TMCO5A: variants seen among roughly 807,000 people sequenced by gnomAD.
TMCO5A encodes transmembrane and coiled-coil domain-containing protein 5A.
In TMCO5A, 34 loss-of-function variants were observed where a neutral mutation model predicts 42.3. The ratio of observed to expected loss-of-function variants is 0.80; its 90% CI spans 0.61 to 1.07. TMCO5A has a LOEUF of 1.07. TMCO5A is among the 50% of genes least tolerant of loss of function. The pLI, the probability that TMCO5A is intolerant of heterozygous loss-of-function variation, is 0.00. For missense variants in TMCO5A, 357 were observed against 327.9 expected (o/e 1.09, Z -0.69); for synonymous variants, 131 against 115.6 (o/e 1.13, Z -0.86).
chr15:37,938,419 T>C (rs967735289), intron 6 of TMCO5A, among the ~76,000 whole-genome samples, 190 bp downstream of exon 6: 3 of 152,078 alleles, frequency 2.0e-5, no homozygotes, highest in African/African-American at 7.2e-5. Context: ...TTTAGTCTTA[T>C]TTATTGTTCT....
At chr15:38,034,528 T>G in the TMCO5A span, among the ~76,000 whole-genome samples, 1 of 152,128 alleles carries the variant, frequency 6.6e-6, no homozygotes, top group Admixed American at 6.5e-5. Context: ...GAATTTTAAC[T>G]TACTCCCAGA....
At chr15:38,001,646 C>T in the TMCO5A span, among the ~76,000 whole-genome samples, 1 of 151,620 alleles carries the variant, frequency 6.6e-6, no homozygotes, top group Non-Finnish European at 1.5e-5. Context: ...CAATTTCTTG[C>T]TTTTTGTTTT....
At chr15:37,982,480 G>GTATTATATATTATCTATTATATAATAGA in the TMCO5A span, among the ~76,000 whole-genome samples, 1 of 79,642 alleles carries the variant, frequency 1.3e-5, no homozygotes, top group Admixed American at 1.3e-4. Context: ...GATATTTTAT[G>GTATTATATATTATCTATTATATAATAGA]TATTATATAT....
the TMCO5A span, among the ~76,000 whole-genome samples, chr15:38,017,752 C>G: frequency 1.3e-5 from 2 of 152,048 alleles, no homozygotes; most frequent in African/African-American, 4.8e-5. Flanking sequence ...AGCAAGGAGG[C>G]CTGCAGATAT....
At chr15:37,949,146 GA>G (rs985014986) in intron 11 of TMCO5A, among the ~76,000 whole-genome samples, 45 of 148,944 alleles carry the variant, frequency 3.0e-4, no homozygotes, top group African/African-American at 8.8e-4. Flanking sequence ...TCAGTTGAAA[GA>G]AAAAAAAATC....
intron 2 of TMCO5A, 27 bp from the exon 3 acceptor site, chr15:37,936,287 T>C: frequency 6.3e-7 from 1 of 1,591,904 alleles, no homozygotes; most frequent in Non-Finnish European, 8.5e-7. Flanking sequence ...AACTGGCCCT[T>C]GTTCATTTTG....
At chr15:37,938,607 T>C (rs976940377) in intron 6 of TMCO5A, among the ~76,000 whole-genome samples, 1 of 152,090 alleles carries the variant, frequency 6.6e-6, no homozygotes, top group Admixed American at 6.6e-5. Flanking sequence ...TGTCTCCTTT[T>C]CTGGATGGCT....
chr15:37,979,584 G>C, the TMCO5A span, among the ~76,000 whole-genome samples: 4 of 152,310 alleles, frequency 2.6e-5, no homozygotes, highest in East Asian at 5.8e-4. Context: ...TGGGGACCCA[G>C]GTTATGAGGC....
the TMCO5A span, among the ~76,000 whole-genome samples, chr15:37,973,794 C>G: frequency 6.6e-6 from 1 of 152,124 alleles, no homozygotes; most frequent in East Asian, 1.9e-4. Flanking sequence ...CTAGGATATC[C>G]AGTACAATGT....
chr15:37,987,137 T>G, the TMCO5A span, among the ~76,000 whole-genome samples: 9 of 152,070 alleles, frequency 5.9e-5, no homozygotes, highest in Non-Finnish European at 1.3e-4. Context: ...GTTTTTTATT[T>G]TCACTTTTCT....
chr15:37,949,714 A>T (rs749659983), intron 11 of TMCO5A, among the ~76,000 whole-genome samples: 5 of 152,260 alleles, frequency 3.3e-5, no homozygotes, highest in Non-Finnish European at 5.9e-5. Flanking sequence ...ATGCTAAAAA[A>T]AAAAAATAAA....
At chr15:37,966,457 C>T (rs1241719505) in intron 11 of TMCO5A, among the ~76,000 whole-genome samples, 2 of 152,034 alleles carry the variant, frequency 1.3e-5, no homozygotes, top group African/African-American at 4.8e-5. Context: ...GATTACTCAT[C>T]GCATGCCTGT....
chr15:37,940,110 T>C (rs1889678409), intron 6 of TMCO5A, among the ~76,000 whole-genome samples: 1 of 152,154 alleles, frequency 6.6e-6, no homozygotes, highest in Non-Finnish European at 1.5e-5. Flanking sequence ...TCTCCCTGCT[T>C]CTACTCTCAC....
the TMCO5A span, among the ~76,000 whole-genome samples, chr15:38,012,407 A>G: frequency 6.6e-6 from 1 of 152,186 alleles, no homozygotes; most frequent in Non-Finnish European, 1.5e-5. Flanking sequence ...TCTTCAATTT[A>G]TCTCATCAAG....
chr15:37,951,343 C>T lies in TMCO5A; in HGVS notation c.*109C>T, dbSNP rs975461677. 6 of 1,065,824 alleles carry T rather than the reference C, an allele frequency of 5.6e-6. No individual in the cohort carries two copies. Among genetic ancestry groups the T allele is most frequent in the Admixed American group, 2.3e-5 (1 of 44,234 alleles). 66.0% of individuals were successfully genotyped at this position (1,065,824 alleles called of 1,614,324 possible). ...AGATTTGCTTCAGTTTTTTCCTCAC[C>T]GTTTGCCTGCTTGACTACCTTCTGT... On this transcript the variant is annotated 3_prime_UTR_variant, in exon 12 of 12. Coordinates refer to ENST00000319669, the MANE Select transcript of TMCO5A (RefSeq NM_152453.4).
the TMCO5A span, among the ~76,000 whole-genome samples, chr15:38,005,315 C>T: frequency 6.9e-6 from 1 of 145,234 alleles, no homozygotes; most frequent in Non-Finnish European, 1.5e-5. Flanking sequence ...ATGGCTTATG[C>T]CTATAATCCC....
the TMCO5A span, among the ~76,000 whole-genome samples, chr15:38,001,380 C>T: frequency 6.7e-6 from 1 of 148,920 alleles, no homozygotes; most frequent in Admixed American, 6.7e-5. Context: ...TATGTTCAGT[C>T]TATGTCACTT....
At chr15:38,006,256 C>T in the TMCO5A span, among the ~76,000 whole-genome samples, 7 of 152,130 alleles carry the variant, frequency 4.6e-5, no homozygotes, top group African/African-American at 1.7e-4. Context: ...ACAGGAGAAA[C>T]AGCTTAGTAC....
At chr15:38,034,986 G>A in the TMCO5A span, among the ~76,000 whole-genome samples, 1 of 152,196 alleles carries the variant, frequency 6.6e-6, no homozygotes, top group Admixed American at 6.5e-5. Context: ...TTCCTTGGTT[G>A]ATTCTCCTAA....
Sources: gnomAD v4.1 joint callset for allele counts (sites outside exome capture counted in the v4.1 genomes callset) on GRCh38, gnomAD v4.1.1 for gene constraint, MANE v1.5 for transcripts, NCBI Gene and HGNC (gene_info 2026-07-23, HGNC 2026-07-21) for gene names.